Variants in MVB12B observed in about 807,000 individuals in gnomAD.
The protein encoded by MVB12B is multivesicular body subunit 12B.
A neutral mutation model predicts 41.6 loss-of-function variants in MVB12B; 16 were observed. The observed-to-expected ratio is 0.38, with a 90% CI of 0.26 to 0.58. MVB12B has a LOEUF of 0.58. Ranked by LOEUF, MVB12B falls within the 20% of genes least tolerant of loss-of-function variation. The probability of loss-of-function intolerance (pLI) is 0.62; values close to 1 mark genes in which losing one functional copy is unlikely to be tolerated. For missense variants in MVB12B, 274 were observed against 380.2 expected, an observed-to-expected ratio of 0.72 and a Z score of 2.32; for synonymous variants, 133 against 139.7, an observed-to-expected ratio of 0.95 and a Z score of 0.34.
At chr9:126,404,784 C>A (rs1381640085) in intron 6 of MVB12B, among the ~76,000 whole-genome samples, 1 of 152,232 alleles carries the variant, frequency 6.6e-6, no homozygotes, top group Non-Finnish European at 1.5e-5. Context: ...GGCGTTTAAG[C>A]AGGGTTACGA....
intron 7 of MVB12B, among the ~76,000 whole-genome samples, chr9:126,458,992 TA>T (rs1343193266): frequency 2.0e-5 from 3 of 152,210 alleles, no homozygotes; most frequent in Admixed American, 2.0e-4. Context: ...GTCAATACCT[TA>T]AAAACCCTGA....
In MVB12B at chr9:126,391,350, C is replaced by G. The variant is rs1439334246; in HGVS notation, c.410-716C>G. ...TTCCAGAGTCAAATGATCTGGGAGGCCTGACACCCAGAGGCAGTGTTTCAG... is the reference window on the plus strand; with the variant it reads ...TTCCAGAGTCAAATGATCTGGGAGGGCTGACACCCAGAGGCAGTGTTTCAG... On this transcript the variant is annotated intron_variant, in intron 4 of 9. Coordinates refer to ENST00000361171, the MANE Select transcript of MVB12B (RefSeq NM_033446.3). This position sits in a 1 kb window ranked among gnomAD's most constrained non-coding sequence, Gnocchi z 4.4. Among the ~76,000 whole-genome samples the G allele has an allele frequency of 6.6e-6, 1 of 152,162 alleles. No homozygotes were observed. The highest frequency in any genetic ancestry group is 1.5e-5 in the Non-Finnish European group (1 of 68,028).
chr9:126,371,298 A>G (rs2118926419), intron 2 of MVB12B, among the ~76,000 whole-genome samples: 1 of 152,336 alleles, frequency 6.6e-6, no homozygotes, highest in South Asian at 2.1e-4. Context: ...TCTGGCCCAG[A>G]GCCTCCTTCC....
chr9:126,327,096 C>T (rs1264309856), intron 1 of MVB12B, 86 bp downstream of exon 1: 1 of 227,184 alleles, frequency 4.4e-6, no homozygotes, highest in African/African-American at 2.4e-5. Flanking sequence ...GGCCCCCGGC[C>T]GAGGGGCGGG....
Position 126,467,893 on chromosome 9 carries a change from G to A in MVB12B, c.758-13476G>A, listed in dbSNP as rs569728975. Among the ~76,000 whole-genome samples, 76 of 152,344 alleles carry A rather than the reference G, an allele frequency of 5.0e-4. 1 individual carries two copies. Among genetic ancestry groups the A allele is most frequent in the Admixed American group, 1.8e-3 (28 of 15,302 alleles). ...TTTAGAGGAGATGCTAGAAAGCAGA[G>A]TCTGGGTATGAGGAGTGCCCATTGC... is the stretch of plus-strand genomic sequence containing the variant. On this transcript the variant is annotated intron_variant, in intron 7 of 9. Transcript: ENST00000361171.
intron 7 of MVB12B, among the ~76,000 whole-genome samples, chr9:126,444,535 T>TA (rs1832717891): frequency 6.6e-6 from 1 of 152,274 alleles, no homozygotes; most frequent in South Asian, 2.1e-4. Flanking sequence ...GCAGTCTTAA[T>TA]TTTGTTTGTG....
At position 126,503,339 on chromosome 9, in the gene MVB12B, C is replaced by T; in HGVS notation, c.*76C>T. On this transcript the variant is annotated 3_prime_UTR_variant, in exon 10 of 10. Coordinates refer to ENST00000361171, the MANE Select transcript of MVB12B (RefSeq NM_033446.3). ...GCAGGGGCTGCTGCCCCCGCCTCCT[C>T]CTGCCGCCTCCGCCAGCCCTCCCTC... 1 of 1,220,496 alleles carries T rather than the reference C, an allele frequency of 8.2e-7. No homozygotes were observed. Among genetic ancestry groups the T allele is most frequent in the Non-Finnish European group, 1.2e-6 (1 of 866,082 alleles). 75.6% of individuals were successfully genotyped at this position (1,220,496 alleles called of 1,614,324 possible). A position where few individuals can be genotyped will look rare whatever the true frequency, so the allele number is the denominator to read the frequency against.
rs1588133811 is a variant in MVB12B, at chr9:126,391,643, G to A, written c.410-423G>A. On this transcript the variant is annotated intron_variant, in intron 4 of 9. Coordinates refer to ENST00000361171, the MANE Select transcript of MVB12B (RefSeq NM_033446.3). The surrounding 1 kb of genome is among the most constrained non-coding windows in gnomAD (Gnocchi z 4.4). ...GTGCACAGCATTGACACTGGGTGAC[G>A]GGAACACGTGGATTCATTCCACTGT... 6.6e-6 allele frequency among the ~76,000 whole-genome samples: 1 copy of A among 152,314 alleles called. No individual in the cohort carries two copies. Among genetic ancestry groups the A allele is most frequent in the Non-Finnish European group, 1.5e-5 (1 of 68,014 alleles).
intron 3 of MVB12B, among the ~76,000 whole-genome samples, chr9:126,385,970 A>C (rs1209845747): frequency 1.3e-5 from 2 of 152,188 alleles, no homozygotes; most frequent in Admixed American, 1.3e-4. Flanking sequence ...ACTACCACTA[A>C]ACAGAAACTT....
At position 126,391,586 on chromosome 9, in the gene MVB12B, G is replaced by A. The variant is rs1399300146; in HGVS notation, c.410-480G>A. The stretch of plus-strand genomic sequence containing the variant: ...TTTTAAATATCCAGCAAAACTGCAG[G>A]GGTGGGAGGAGAGGAAACCAGCTTG... On this transcript the variant is annotated intron_variant, in intron 4 of 9. Transcript: ENST00000361171. The surrounding 1 kb of genome is among the most constrained non-coding windows in gnomAD (Gnocchi z 4.4). Among the ~76,000 whole-genome samples, 1 of 152,236 alleles carries A rather than the reference G, an allele frequency of 6.6e-6. No homozygotes were observed. The highest frequency in any genetic ancestry group is 1.5e-5 in the Non-Finnish European group (1 of 68,040).
At chr9:126,489,910 C>T (rs1293655286) in intron 9 of MVB12B, among the ~76,000 whole-genome samples, 1 of 152,186 alleles carries the variant, frequency 6.6e-6, no homozygotes, top group Admixed American at 6.5e-5. Flanking sequence ...GTCCCGGCCC[C>T]ACCTGTCCGT....
intron 7 of MVB12B, among the ~76,000 whole-genome samples, chr9:126,460,596 G>C (rs1833069252): frequency 1.3e-5 from 2 of 152,056 alleles, no homozygotes; most frequent in South Asian, 4.1e-4. Context: ...CAGGTCAGAG[G>C]GGTGGGCATC....
In MVB12B at chr9:126,346,357, G is replaced by A. The variant is rs938061324; in HGVS notation, c.204+5727G>A. Among the ~76,000 whole-genome samples, 7 of 152,278 alleles carry A rather than the reference G, an allele frequency of 4.6e-5. No homozygotes were observed. In the East Asian group the frequency reaches 1.2e-3, roughly 25 times the overall value. ...AATATGTATTTTTGATGGCAAGAATGGGTTGAATGTTGGGAGGTGGGGGAG... is the reference window on the plus strand; with the variant it reads ...AATATGTATTTTTGATGGCAAGAATAGGTTGAATGTTGGGAGGTGGGGGAG... On this transcript the variant is annotated intron_variant, in intron 2 of 9. Coordinates refer to ENST00000361171, the MANE Select transcript of MVB12B (RefSeq NM_033446.3).
intron 2 of MVB12B, among the ~76,000 whole-genome samples, chr9:126,353,914 A>G (rs1429314174): frequency 6.6e-6 from 1 of 152,254 alleles, no homozygotes; most frequent in Admixed American, 6.5e-5. Context: ...AGTAATTACT[A>G]TACCAGGTAG....
intron 6 of MVB12B, among the ~76,000 whole-genome samples, chr9:126,407,199 C>T (rs1451218957): frequency 6.6e-6 from 1 of 152,184 alleles, no homozygotes; most frequent in Non-Finnish European, 1.5e-5. Context: ...CTTATTGGTA[C>T]AGCACACCTA....
intron 6 of MVB12B, among the ~76,000 whole-genome samples, chr9:126,408,904 C>T (rs1211625876): frequency 6.6e-6 from 1 of 152,142 alleles, no homozygotes; most frequent in Non-Finnish European, 1.5e-5. Context: ...AGAAAGAGTT[C>T]ACATTTTTTT....
rs368759947 is a variant in MVB12B, at chr9:126,328,439, A to C, written c.81+1429A>C. ...GTCTCCATCCTGCTAGGGACCTTTT[A>C]CCACTTCCAACTGGAATGTTGTGCC... On this transcript the variant is annotated intron_variant, in intron 1 of 9. Coordinates refer to ENST00000361171, the MANE Select transcript of MVB12B (RefSeq NM_033446.3). 6.6e-5 allele frequency among the ~76,000 whole-genome samples: 10 copies of C among 152,226 alleles called. No individual in the cohort carries two copies. The East Asian group carries it at 9.6e-4, about 15-fold the overall frequency.
intron 9 of MVB12B, among the ~76,000 whole-genome samples, chr9:126,496,398 CCACCCACTCACT>C (rs1397062226): frequency 1.3e-5 from 2 of 148,350 alleles, no homozygotes; most frequent in African/African-American, 2.5e-5. Flanking sequence ...CCACCCATAC[CCACCCACTCACT>C]CACCCACCCA....
intron 9 of MVB12B, among the ~76,000 whole-genome samples, chr9:126,501,543 G>A (rs1039804128): frequency 2.6e-4 from 39 of 152,208 alleles, no homozygotes; most frequent in African/African-American, 8.7e-4. Context: ...CATCTGTCCC[G>A]GGTCAGCCTG....
Sources: gnomAD v4.1 joint callset for allele counts (sites outside exome capture counted in the v4.1 genomes callset) on GRCh38, gnomAD v4.1.1 for gene constraint, Gnocchi (gnomAD v3.1) non-coding constraint, MANE v1.5 for transcripts, NCBI Gene and HGNC (gene_info 2026-07-23, HGNC 2026-07-21) for gene names.